The following ADRA2A variants were observed in gnomAD, a reference collection of about 807,000 sequenced individuals.
ADRA2A encodes the protein adrenoceptor alpha 2A.
Under a neutral mutation model 5.9 loss-of-function variants are expected in ADRA2A, and 6 were observed. The observed-to-expected ratio is 1.01, with a 90% CI of 0.55 to 2.00. ADRA2A has a LOEUF of 2.00. Among genes scored for constraint, ADRA2A ranks in the 30% most tolerant of loss-of-function variants. ADRA2A has a pLI of 0.00. For missense variants in ADRA2A, 647 were observed against 690.0 expected (o/e 0.94, Z 0.70); for synonymous variants, 345 against 325.9 (o/e 1.06, Z -0.63).
At position 111,078,059 on chromosome 10, in the gene ADRA2A, G is replaced by A. The variant is rs1397227223; in HGVS notation, c.63G>A (p.Pro21=). The A allele has an allele frequency of 2.6e-6, 4 of 1,536,228 alleles. No homozygotes were observed. The highest frequency in any genetic ancestry group is 1.2e-5 in the South Asian group (1 of 83,746). Reference sequence around the variant, plus strand: ...TTGCGCCCATGGGCTCCCTGCAGCCGGACGCGGGCAACGCGAGCTGGAACG... The same window carrying A: ...TTGCGCCCATGGGCTCCCTGCAGCCAGACGCGGGCAACGCGAGCTGGAACG... ...GSFAPMGSLQ[P]DAGNASWNGT... is the part of the protein sequence containing the mutation. The change falls in exon 1 of 1, where the codon CCG becomes CCA. Residue 21 remains proline, a synonymous_variant. Coordinates refer to ENST00000280155, the MANE Select transcript of ADRA2A (RefSeq NM_000681.4).
rs1564745532 is a variant in ADRA2A at position 111,078,532 on chromosome 10, TCTC to T, written c.539_541del (p.Ser180del). ...ACCGTGTGGGTCATCTCGGCCGTCA[TCTC>T]CTTCCCGCCGCTCATCTCCATCGAG... On this transcript the variant is annotated inframe_deletion, in exon 1 of 1. Transcript: ENST00000280155. The T allele has an allele frequency of 6.2e-7, 1 of 1,608,740 alleles. No individual in the cohort carries two copies. Among genetic ancestry groups the T allele is most frequent in the Non-Finnish European group, 8.5e-7 (1 of 1,177,056 alleles).
chr10:111,078,511 T>A lies in ADRA2A; in HGVS notation c.515T>A (p.Val172Glu). 1 of 1,611,294 alleles carries A rather than the reference T, an allele frequency of 6.2e-7. No individual in the cohort carries two copies. Among genetic ancestry groups the A allele is most frequent in the Non-Finnish European group, 8.5e-7 (1 of 1,178,724 alleles). The change falls in exon 1 of 1, where the codon GTG becomes GAG. Residue 172 changes from valine to glutamate, a missense_variant. By Grantham distance (121) the Val-to-Glu change is moderately radical. This residue lies in a region of ADRA2A where 577 missense variants were observed against 605.4 expected (regional missense o/e 0.95). Coordinates refer to ENST00000280155, the MANE Select transcript of ADRA2A (RefSeq NM_000681.4). ...PRRIKAIIIT[V>E]WVISAVISFP... ...CGCATCAAGGCCATCATCATCACCG[T>A]GTGGGTCATCTCGGCCGTCATCTCC...
At position 111,077,758 on chromosome 10, in the gene ADRA2A, T is replaced by C; in HGVS notation, c.-239T>C. On this transcript the variant is annotated 5_prime_UTR_variant, in exon 1 of 1. Transcript: ENST00000280155. ...GCTTAGAAATAAAACTTGGCTGTAT[T>C]AGGAGCTCGGAGCAAGAAGGCGCCC... The C allele has an allele frequency of 2.8e-6, 1 of 360,196 alleles. No homozygotes were observed. The highest frequency in any genetic ancestry group is 4.8e-6 in the Non-Finnish European group (1 of 208,028). 22.3% of individuals were successfully genotyped at this position (360,196 alleles called of 1,614,324 possible).
In ADRA2A at chr10:111,079,180, T is replaced by C; in HGVS notation, c.1184T>C (p.Ile395Thr). 1 of 1,613,926 alleles carries C rather than the reference T, an allele frequency of 6.2e-7. No homozygotes were observed. The change falls in exon 1 of 1, where the codon ATC becomes ACC. Residue 395 changes from isoleucine (I) to threonine (T), a missense_variant. Transcript: ENST00000280155. ...KRFTFVLAVV[I>T]GVFVVCWFPF... ...TTCACGTTCGTGCTGGCCGTGGTCA[T>C]CGGAGTGTTCGTGGTGTGCTGGTTC...
chr10:111,078,208 T>A lies in ADRA2A; in HGVS notation c.212T>A (p.Ile71Asn). The change falls in exon 1 of 1, where the codon ATC (isoleucine) becomes AAC (asparagine). Residue 71 changes from isoleucine to asparagine, a missense_variant. By Grantham distance (149) the Ile-to-Asn change is moderately radical. Transcript: ENST00000280155. ...LTVFGNVLVI[I>N]AVFTSRALKA... ...GTGTTCGGCAACGTGCTCGTCATCATCGCCGTGTTCACGAGCCGCGCGCTC... is the reference window on the plus strand; with the variant it reads ...GTGTTCGGCAACGTGCTCGTCATCAACGCCGTGTTCACGAGCCGCGCGCTC... 6 of 1,613,372 alleles carry A rather than the reference T, an allele frequency of 3.7e-6. No individual in the cohort carries two copies. Among genetic ancestry groups the A allele is most frequent in the Non-Finnish European group, 5.1e-6 (6 of 1,179,940 alleles).
chr10:111,079,690 C>T lies in ADRA2A; in HGVS notation c.*296C>T. 2 of 496,910 alleles carry T rather than the reference C, an allele frequency of 4.0e-6. No individual in the cohort carries two copies. The highest frequency in any genetic ancestry group is 7.5e-6 in the Non-Finnish European group (2 of 266,818). 30.8% of individuals were successfully genotyped at this position (496,910 alleles called of 1,614,324 possible). ...CCTAAAGGTATTTTCACCCTCTTCG[C>T]CTGGTACAGCCCTCACAGCTCTTCA... On this transcript the variant is annotated 3_prime_UTR_variant, in exon 1 of 1. Coordinates refer to ENST00000280155, the MANE Select transcript of ADRA2A (RefSeq NM_000681.4).
At position 111,078,383 on chromosome 10, in the gene ADRA2A, G is replaced by T. The variant is rs1395979628; in HGVS notation, c.387G>T (p.Val129=). Residue 129 remains valine, a synonymous_variant, in exon 1 of 1, where the codon GTG becomes GTT. Coordinates refer to ENST00000280155, the MANE Select transcript of ADRA2A (RefSeq NM_000681.4). ...GCGAGATCTACCTGGCGCTCGACGT[G>T]CTCTTCTGCACGTCGTCCATCGTGC... is the stretch of plus-strand genomic sequence containing the variant. The part of the protein sequence containing the change: ...AWCEIYLALD[V]LFCTSSIVHL... 1.2e-6 allele frequency: 2 copies of T among 1,613,914 alleles called. No homozygotes were observed. The highest frequency in any genetic ancestry group is 2.7e-5 in the African/African-American group (2 of 74,934).
At position 111,079,412 on chromosome 10, in the gene ADRA2A, G is replaced by A. The variant is rs770901159; in HGVS notation, c.*18G>A. ...TCGTGTGAGGTTTCCGCTGGCGCCC[G>A]CGTAGACTCACGCTGACTGCAGGCA... On this transcript the variant is annotated 3_prime_UTR_variant, in exon 1 of 1. Transcript: ENST00000280155. 1.9e-6 allele frequency: 3 copies of A among 1,612,478 alleles called. No homozygotes were observed. Among genetic ancestry groups the A allele is most frequent in the South Asian group, 1.1e-5 (1 of 91,022 alleles).
At position 111,077,794 on chromosome 10, in the gene ADRA2A, T is replaced by A; in HGVS notation, c.-203T>A. On this transcript the variant is annotated 5_prime_UTR_variant, in exon 1 of 1. Coordinates refer to ENST00000280155, the MANE Select transcript of ADRA2A (RefSeq NM_000681.4). ...AGCAAGAAGGCGCCCACCGAGAGCG[T>A]CTGAAGCGCGAGCCAGGCGCAGTTC... The A allele has an allele frequency of 3.0e-6, 2 of 676,570 alleles. No individual in the cohort carries two copies. The highest frequency in any genetic ancestry group is 4.1e-6 in the Non-Finnish European group (2 of 483,022). The allele number at this position is 676,570 out of a possible 1,614,324, so 41.9% of individuals were successfully genotyped here.
At position 111,078,872 on chromosome 10, in the gene ADRA2A, TG is replaced by T; in HGVS notation, c.878del (p.Gly293AlafsTer49). 1 of 1,201,222 alleles carries T rather than the reference TG, an allele frequency of 8.3e-7. No homozygotes were observed. The allele number at this position is 1,201,222 out of a possible 1,614,324, so 74.4% of individuals were successfully genotyped here. A position where few individuals can be genotyped will look rare whatever the true frequency, so the allele number is the denominator to read the frequency against. Reference sequence around the variant, plus strand: ...TGCCCACCCAGCTCAACGGCGCCCCTGGCGAGCCCGCGCCGGCCGGGCCGCG... The same window carrying T: ...TGCCCACCCAGCTCAACGGCGCCCCTGCGAGCCCGCGCCGGCCGGGCCGCG... ...PLPTQLNGAP[G>X]EPAPAGPRDT... On this transcript the variant is annotated frameshift_variant, in exon 1 of 1. Coordinates refer to ENST00000280155, the MANE Select transcript of ADRA2A (RefSeq NM_000681.4). LOFTEE classifies it low-confidence loss of function (END_TRUNC).
Position 111,078,516 on chromosome 10 carries a change from G to A in ADRA2A, c.520G>A (p.Val174Ile). Residue 174 changes from valine to isoleucine, a missense_variant, in exon 1 of 1, where the codon GTC becomes ATC. Val to Ile is a conservative substitution (Grantham distance 29). Transcript: ENST00000280155. ...RIKAIIITVW[V>I]ISAVISFPPL... is the part of the protein sequence containing the mutation. Reference sequence around the variant, plus strand: ...CAAGGCCATCATCATCACCGTGTGGGTCATCTCGGCCGTCATCTCCTTCCC... The same window carrying A: ...CAAGGCCATCATCATCACCGTGTGGATCATCTCGGCCGTCATCTCCTTCCC... The A allele has an allele frequency of 1.2e-6, 2 of 1,611,272 alleles. No homozygotes were observed. The highest frequency in any genetic ancestry group is 1.7e-4 in the Middle Eastern group (1 of 6,058).
rs1843549750 is a variant in ADRA2A at position 111,077,947 on chromosome 10, G to C, written c.-50G>C. 1 of 1,339,760 alleles carries C rather than the reference G, an allele frequency of 7.5e-7. No individual in the cohort carries two copies. The highest frequency in any genetic ancestry group is 9.5e-7 in the Non-Finnish European group (1 of 1,053,766). 83.0% of individuals were successfully genotyped at this position (1,339,760 alleles called of 1,614,324 possible). On this transcript the variant is annotated 5_prime_UTR_variant, in exon 1 of 1. Coordinates refer to ENST00000280155, the MANE Select transcript of ADRA2A (RefSeq NM_000681.4). Reference sequence around the variant, plus strand: ...AGGAAGAGGAGGACCCACGGGCGCCGGGCCGGAAGGCAGCTGGCAGCAGGC... The same window carrying C: ...AGGAAGAGGAGGACCCACGGGCGCCCGGCCGGAAGGCAGCTGGCAGCAGGC...
chr10:111,077,989 C>T lies in ADRA2A; in HGVS notation c.-8C>T. The T allele has an allele frequency of 1.4e-6, 2 of 1,390,092 alleles. No individual in the cohort carries two copies. Among genetic ancestry groups the T allele is most frequent in the Non-Finnish European group, 1.9e-6 (2 of 1,079,626 alleles). 86.1% of individuals were successfully genotyped at this position (1,390,092 alleles called of 1,614,324 possible). On this transcript the variant is annotated 5_prime_UTR_variant, in exon 1 of 1. Coordinates refer to ENST00000280155, the MANE Select transcript of ADRA2A (RefSeq NM_000681.4). Reference sequence around the variant, plus strand: ...GCAGCAGGCCCAGGCCAGCGGGCGCCCGCGTTCATGTTCCGCCAGGAGCAG... The same window carrying T: ...GCAGCAGGCCCAGGCCAGCGGGCGCTCGCGTTCATGTTCCGCCAGGAGCAG...
Position 111,077,804 on chromosome 10 carries a change from G to A in ADRA2A, c.-193G>A, listed in dbSNP as rs1393941569. The A allele has an allele frequency of 1.5e-5, 12 of 814,202 alleles. No homozygotes were observed. Among genetic ancestry groups the A allele is most frequent in the Non-Finnish European group, 4.9e-6 (3 of 607,134 alleles). 50.4% of individuals were successfully genotyped at this position (814,202 alleles called of 1,614,324 possible). ...CGCCCACCGAGAGCGTCTGAAGCGC[G>A]AGCCAGGCGCAGTTCGCGGGACCCG... is the stretch of plus-strand genomic sequence containing the variant. On this transcript the variant is annotated 5_prime_UTR_variant, in exon 1 of 1. Coordinates refer to ENST00000280155, the MANE Select transcript of ADRA2A (RefSeq NM_000681.4).
Position 111,079,442 on chromosome 10 carries a change from G to C in ADRA2A, c.*48G>C. 6.3e-7 allele frequency: 1 copy of C among 1,587,148 alleles called. No homozygotes were observed. The highest frequency in any genetic ancestry group is 8.6e-7 in the Non-Finnish European group (1 of 1,159,756). ...GACTCACGCTGACTGCAGGCAGCGG[G>C]GGGCATCGAGGGGTGCTTAGCCCCA... On this transcript the variant is annotated 3_prime_UTR_variant, in exon 1 of 1. Transcript: ENST00000280155.
In ADRA2A at chr10:111,078,041, C is replaced by T. The variant is rs569038041; in HGVS notation, c.45C>T (p.Pro15=). 3.6e-5 allele frequency: 55 copies of T among 1,510,926 alleles called. No homozygotes were observed. The African/African-American group carries it at 7.2e-4, about 20-fold the overall frequency. The allele number at this position is 1,510,926 out of a possible 1,614,324, so 93.6% of individuals were successfully genotyped here. A position where few individuals can be genotyped will look rare whatever the true frequency, so the allele number is the denominator to read the frequency against. Residue 15 remains proline (P), a synonymous_variant, in exon 1 of 1, where the codon CCC becomes CCT. Transcript: ENST00000280155. ...EQPLAEGSFA[P]MGSLQPDAGN... The stretch of plus-strand genomic sequence containing the variant: ...CGTTGGCCGAGGGCAGCTTTGCGCC[C>T]ATGGGCTCCCTGCAGCCGGACGCGG...
At position 111,078,641 on chromosome 10, in the gene ADRA2A, G is replaced by C. The variant is rs1308713225; in HGVS notation, c.645G>C (p.Ser215=). The C allele has an allele frequency of 1.9e-6, 3 of 1,588,248 alleles. No individual in the cohort carries two copies. Among genetic ancestry groups the C allele is most frequent in the Middle Eastern group, 1.7e-4 (1 of 6,030 alleles). Residue 215 remains serine (S), a synonymous_variant, in exon 1 of 1, where the codon TCG becomes TCC. Coordinates refer to ENST00000280155, the MANE Select transcript of ADRA2A (RefSeq NM_000681.4). ...ACCAGAAGTGGTACGTCATCTCGTC[G>C]TGCATCGGCTCCTTCTTCGCTCCCT... ...INDQKWYVIS[S]CIGSFFAPCL... is the part of the protein sequence containing the mutation.
chr10:111,078,027 G>C lies in ADRA2A; in HGVS notation c.31G>C (p.Gly11Arg), dbSNP rs1843551020. ...CCGCCAGGAGCAGCCGTTGGCCGAGGGCAGCTTTGCGCCCATGGGCTCCCT... is the reference window on the plus strand; with the variant it reads ...CCGCCAGGAGCAGCCGTTGGCCGAGCGCAGCTTTGCGCCCATGGGCTCCCT... MFRQEQPLAE[G>R]SFAPMGSLQP... The change falls in exon 1 of 1, where the codon GGC becomes CGC. Residue 11 changes from glycine (G) to arginine (R), a missense_variant. Gly to Arg is a moderately radical substitution (Grantham distance 125, BLOSUM62 -2). This residue lies in a region of ADRA2A where 577 missense variants were observed against 605.4 expected (regional missense o/e 0.95). Coordinates refer to ENST00000280155, the MANE Select transcript of ADRA2A (RefSeq NM_000681.4). 8 of 1,465,474 alleles carry C rather than the reference G, an allele frequency of 5.5e-6. No individual in the cohort carries two copies. The highest frequency in any genetic ancestry group is 7.2e-6 in the Non-Finnish European group (8 of 1,116,622). The allele number at this position is 1,465,474 out of a possible 1,614,324, so 90.8% of individuals were successfully genotyped here.
chr10:111,079,403 C>A lies in ADRA2A; in HGVS notation c.*9C>A. The A allele has an allele frequency of 6.2e-7, 1 of 1,613,396 alleles. No individual in the cohort carries two copies. Among genetic ancestry groups the A allele is most frequent in the African/African-American group, 1.3e-5 (1 of 75,078 alleles). On this transcript the variant is annotated 3_prime_UTR_variant, in exon 1 of 1. Coordinates refer to ENST00000280155, the MANE Select transcript of ADRA2A (RefSeq NM_000681.4). ...GGAAGCGGATCGTGTGAGGTTTCCG[C>A]TGGCGCCCGCGTAGACTCACGCTGA...
Sources: allele counts gnomAD v4.1 joint callset, GRCh38; gene constraint gnomAD v4.1.1; regional missense constraint gnomAD v4.1.1; transcripts MANE v1.5; gene names NCBI Gene and HGNC (gene_info 2026-07-23, HGNC 2026-07-21).